The following NPAS3 variants were observed in gnomAD, a reference collection of about 807,000 sequenced individuals.
NPAS3 encodes the protein neuronal PAS domain protein 3.
In NPAS3, 14 loss-of-function variants were observed where a neutral mutation model predicts 73.1. That is an observed-to-expected ratio of 0.19 (90% CI 0.13 to 0.30). The LOEUF is 0.30. Among genes scored for constraint, NPAS3 ranks in the 10% least tolerant of loss-of-function variants. The probability of loss-of-function intolerance (pLI) is 1.00; values close to 1 mark genes in which losing one functional copy is unlikely to be tolerated. For synonymous variants in NPAS3, 620 were observed against 541.5 expected (o/e 1.14, Z -2.01); for missense variants, 1,096 against 1,250.0 (o/e 0.88, Z 1.86).
At chr14:33,687,295 TATTAATATG>T (rs1293180984) in intron 6 of NPAS3, among the ~76,000 whole-genome samples, 1 of 152,232 alleles carries the variant, frequency 6.6e-6, no homozygotes, top group Non-Finnish European at 1.5e-5. Flanking sequence ...GATCATGAGC[TATTAATATG>T]TAAATATGCT....
chr14:33,080,803 G>A (rs192711691), intron 2 of NPAS3, among the ~76,000 whole-genome samples: 78 of 152,308 alleles, frequency 5.1e-4, no homozygotes, highest in Non-Finnish European at 8.8e-4. Context: ...CACAAGTAGG[G>A]AGCCCATCTA....
At chr14:33,567,951 T>G (rs1359475792) in intron 5 of NPAS3, among the ~76,000 whole-genome samples, 1 of 152,222 alleles carries the variant, frequency 6.6e-6, no homozygotes, top group Admixed American at 6.5e-5. Flanking sequence ...AGCGAGCTGT[T>G]CTTGTTAGAC....
At chr14:33,072,411 C>T (rs1335829127) in intron 2 of NPAS3, among the ~76,000 whole-genome samples, 1 of 152,128 alleles carries the variant, frequency 6.6e-6, no homozygotes, top group African/African-American at 2.4e-5. Context: ...AAATTTAGAT[C>T]AACCTATAAT....
At chr14:33,215,244 A>G in exon 3 of NPAS3, 1 of 1,610,266 alleles carries the variant, frequency 6.2e-7, no homozygotes, top group Non-Finnish European at 8.5e-7. Flanking sequence ...GGAAAAGAAA[A>G]CTTTGAGTTC....
intron 3 of NPAS3, among the ~76,000 whole-genome samples, chr14:33,235,158 C>G (rs180968719): frequency 1.3e-5 from 2 of 152,164 alleles, no homozygotes; most frequent in East Asian, 3.9e-4. Context: ...TGAACGAATT[C>G]CTCTACCGCC....
intron 4 of NPAS3, among the ~76,000 whole-genome samples, chr14:33,455,781 G>C (rs1261610511): frequency 6.6e-6 from 1 of 152,164 alleles, no homozygotes; most frequent in South Asian, 2.1e-4. Flanking sequence ...GGATGTTAAC[G>C]AGTGGCTCCT....
intron 6 of NPAS3, among the ~76,000 whole-genome samples, chr14:33,703,109 GC>G: frequency 6.6e-6 from 1 of 152,232 alleles, no homozygotes; most frequent in Middle Eastern, 3.4e-3. Context: ...GAGGATTGGG[GC>G]AGAAGAATTC....
chr14:33,487,277 C>A (rs571362855), intron 4 of NPAS3, among the ~76,000 whole-genome samples: 1 of 152,250 alleles, frequency 6.6e-6, no homozygotes, highest in Non-Finnish European at 1.5e-5. Flanking sequence ...ATTCTCTTAA[C>A]CAAGTCCCAG....
intron 2 of NPAS3, among the ~76,000 whole-genome samples, chr14:33,110,453 G>A (rs2138958050): frequency 6.6e-6 from 1 of 152,244 alleles, no homozygotes; most frequent in East Asian, 1.9e-4. Context: ...TTTTCTCATT[G>A]CTGAATTTTC....
At chr14:32,944,473 A>G (rs2036168298) in intron 1 of NPAS3, among the ~76,000 whole-genome samples, 1 of 152,244 alleles carries the variant, frequency 6.6e-6, no homozygotes, top group African/African-American at 2.4e-5. Flanking sequence ...CTTTAAATAT[A>G]TCTATGATTA....
At chr14:33,076,716 T>C (rs2138686726) in intron 2 of NPAS3, among the ~76,000 whole-genome samples, 1 of 152,336 alleles carries the variant, frequency 6.6e-6, no homozygotes, top group East Asian at 1.9e-4. Context: ...CTGAAAGGCA[T>C]AACTGAGTAA....
chr14:33,644,727 C>G (rs2058773092), intron 5 of NPAS3, among the ~76,000 whole-genome samples: 1 of 152,092 alleles, frequency 6.6e-6, no homozygotes, highest in African/African-American at 2.4e-5. Flanking sequence ...GTTTTTGCAT[C>G]ATGGATTTAA....
At chr14:33,648,491 TA>T (rs1273829629) in intron 5 of NPAS3, among the ~76,000 whole-genome samples, 1 of 152,230 alleles carries the variant, frequency 6.6e-6, no homozygotes, top group African/African-American at 2.4e-5. Context: ...AGGAAGGCTT[TA>T]TGGAAATCTA....
intron 5 of NPAS3, among the ~76,000 whole-genome samples, chr14:33,576,525 A>G (rs908917017): frequency 1.1e-4 from 17 of 152,196 alleles, no homozygotes; most frequent in African/African-American, 3.9e-4. Flanking sequence ...ACTACCCTGA[A>G]TCATTTAAAA....
chr14:33,302,974 A>G (rs970187721), intron 3 of NPAS3, among the ~76,000 whole-genome samples: 1 of 151,498 alleles, frequency 6.6e-6, no homozygotes, highest in African/African-American at 2.4e-5. Context: ...AGCTGTTAGC[A>G]TTTGTGGCCT....
At chr14:33,489,432 G>A (rs1418078860) in intron 4 of NPAS3, among the ~76,000 whole-genome samples, 1 of 151,956 alleles carries the variant, frequency 6.6e-6, no homozygotes, top group Non-Finnish European at 1.5e-5. Flanking sequence ...AGAAAATGTT[G>A]TATATTTGAT....
intron 2 of NPAS3, among the ~76,000 whole-genome samples, chr14:33,163,915 A>G (rs773196684): frequency 6.6e-6 from 1 of 152,184 alleles, no homozygotes; most frequent in Non-Finnish European, 1.5e-5. Context: ...GTAAAGAAAA[A>G]AGTGAGAGAA....
chr14:33,508,928 G>A (rs769516675), intron 4 of NPAS3, among the ~76,000 whole-genome samples: 7 of 151,872 alleles, frequency 4.6e-5, no homozygotes, highest in Non-Finnish European at 8.8e-5. Flanking sequence ...GCTGCCCTGC[G>A]GTCTCTGGCA....
intron 2 of NPAS3, among the ~76,000 whole-genome samples, chr14:33,180,231 TTTTGTTTTTTATTTTTC>T (rs1018226050): frequency 2.6e-5 from 4 of 151,928 alleles, no homozygotes; most frequent in Admixed American, 6.5e-5. Context: ...CCTTAAATTT[TTTTGTTTTTTATTTTTC>T]TTATCGTATC....
Sources: gnomAD v4.1 joint callset for allele counts (sites outside exome capture counted in the v4.1 genomes callset) on GRCh38, gnomAD v4.1.1 for gene constraint, MANE v1.5 for transcripts, NCBI Gene and HGNC (gene_info 2026-07-23, HGNC 2026-07-21) for gene names.